Variants in ZNF91 observed in about 807,000 individuals in gnomAD.
ZNF91 encodes the protein zinc finger protein 91, also known as zinc finger protein 91 (HPF7, HTF10).
A neutral mutation model predicts 12.6 loss-of-function variants in ZNF91; 7 were observed. The observed-to-expected ratio is 0.55, with a 90% CI of 0.31 to 1.04. ZNF91 has a LOEUF of 1.04. Ranked by LOEUF, ZNF91 falls within the 50% of genes least tolerant of loss-of-function variation. The probability of loss-of-function intolerance (pLI) is 0.05; values close to 1 mark genes in which losing one functional copy is unlikely to be tolerated. For synonymous variants in ZNF91, 453 were observed against 462.6 expected (o/e 0.98, Z 0.27); for missense variants, 1,217 against 1,385.4 (o/e 0.88, Z 1.93).
chr19:23,322,441 T>A (rs1161078549), intron 1 of ZNF91, among the ~76,000 whole-genome samples: 2 of 152,186 alleles, frequency 1.3e-5, no homozygotes, highest in Non-Finnish European at 2.9e-5. Context: ...GTGACATATG[T>A]CTGGATCCAA....
chr19:23,313,355 T>C (rs938617116), upstream of ZNF91, among the ~76,000 whole-genome samples: 1 of 152,230 alleles, frequency 6.6e-6, no homozygotes, highest in Non-Finnish European at 1.5e-5. Flanking sequence ...AACTCACTTC[T>C]CCTGCCTGGT....
chr19:23,311,120 C>T (rs1761108975), upstream of ZNF91, among the ~76,000 whole-genome samples: 1 of 152,178 alleles, frequency 6.6e-6, no homozygotes, highest in African/African-American at 2.4e-5. Context: ...ATCTGTGGGT[C>T]TCTTACCTAG....
At chr19:23,385,603 C>T (rs1472440290) in intron 1 of ZNF91, among the ~76,000 whole-genome samples, 1 of 152,188 alleles carries the variant, frequency 6.6e-6, no homozygotes, top group Non-Finnish European at 1.5e-5. Flanking sequence ...CCAGGATTGG[C>T]ACTAGCTACA....
downstream of ZNF91, chr19:23,338,441 T>A (rs1968056782): frequency 6.6e-6 from 1 of 151,860 alleles, no homozygotes; most frequent in East Asian, 1.9e-4. Context: ...ATGAAGAATA[T>A]AAAGTCTTAC....
chr19:23,363,762 A>T (rs1968899312), intron 3 of ZNF91, among the ~76,000 whole-genome samples: 1 of 152,216 alleles, frequency 6.6e-6, no homozygotes, highest in Admixed American at 6.5e-5. Context: ...ATACTCACTG[A>T]TTAAAATAGG....
In ZNF91 at chr19:23,374,724, G is replaced by A. The variant is rs750071306; in HGVS notation, c.71C>T (p.Pro24Leu). The change falls in exon 2 of 4, where the codon CCG becomes CTG. Residue 24 changes from proline to leucine, a missense_variant. Physicochemically the swap from Pro to Leu is moderately conservative, Grantham distance 98. Around this residue, in one of 2 missense-constraint regions of ZNF91, gnomAD observed 726 missense variants for 895.5 expected, o/e 0.81. Coordinates refer to ENST00000300619, the MANE Select transcript of ZNF91 (RefSeq NM_003430.4). Reference protein sequence around the residue: ...TFRDVAIEFSPEEWQCLDTAQ... With the variant: ...TFRDVAIEFSLEEWQCLDTAQ... ...AGTGTCCAGACATTGCCACTCCTCC[G>A]GAGAGAATTCTATGGCCACATCCCT... 3.0e-5 allele frequency: 48 copies of A among 1,612,446 alleles called. No individual in the cohort carries two copies. Among genetic ancestry groups the A allele is most frequent in the African/African-American group, 8.0e-5 (6 of 74,828 alleles).
chr19:23,367,209 T>C (rs1261452058), intron 3 of ZNF91, among the ~76,000 whole-genome samples: 1 of 152,180 alleles, frequency 6.6e-6, no homozygotes, highest in Non-Finnish European at 1.5e-5. Flanking sequence ...GAAAGATAAC[T>C]TGAGCCCAGT....
chr19:23,328,712 T>C (rs1568369848), intron 1 of ZNF91: 1 of 152,204 alleles, frequency 6.6e-6, no homozygotes, highest in Non-Finnish European at 1.5e-5. Flanking sequence ...TATGAAAACT[T>C]TGAAAAGCAG....
chr19:23,351,100 C>T (rs1323911032), intron 3 of ZNF91, among the ~76,000 whole-genome samples: 6 of 152,176 alleles, frequency 3.9e-5, no homozygotes, highest in South Asian at 2.1e-4. Flanking sequence ...CCGAGGTGGA[C>T]GGATCACCTG....
intron 1 of ZNF91, among the ~76,000 whole-genome samples, chr19:23,391,030 G>T (rs1008719405): frequency 6.6e-6 from 1 of 152,182 alleles, no homozygotes; most frequent in Non-Finnish European, 1.5e-5. Flanking sequence ...CCCAGTGATG[G>T]GGTTGCTTGG....
At chr19:23,357,418 C>CT (rs1376119621), downstream of ZNF91, among the ~76,000 whole-genome samples, 6 of 152,260 alleles carry the variant, frequency 3.9e-5, no homozygotes, top group South Asian at 1.2e-3. Context: ...TATAAATTTG[C>CT]TTTCAGCATT....
Position 23,362,095 on chromosome 19 carries a change from T to G in ZNF91, c.884A>C (p.Lys295Thr), listed in dbSNP as rs757306335. 3 of 1,613,978 alleles carry G rather than the reference T, an allele frequency of 1.9e-6. No homozygotes were observed. Among genetic ancestry groups the G allele is most frequent in the African/African-American group, 1.3e-5 (1 of 74,936 alleles). The change falls in exon 4 of 4, where the codon AAA becomes ACA. Residue 295 changes from lysine (K) to threonine (T), a missense_variant. This residue lies in a region of ZNF91 where 726 missense variants were observed against 895.5 expected (regional missense o/e 0.81). Transcript: ENST00000300619. ...AAAAGCTTTGCCACATTCTTCACAT[T>G]TGTAGGGTTTCTCTCCAGTGTGTAT... Reference protein sequence around the residue: ...KRIHTGEKPYKCEECGKAFSH... With the variant: ...KRIHTGEKPYTCEECGKAFSH...
intron 1 of ZNF91, among the ~76,000 whole-genome samples, chr19:23,382,582 C>T (rs1969755575): frequency 6.6e-6 from 1 of 152,136 alleles, no homozygotes; most frequent in Non-Finnish European, 1.5e-5. Flanking sequence ...ATACATTCTT[C>T]TCATCGCCAC....
At chr19:23,345,987 T>G (rs1968221219) in intron 3 of ZNF91, among the ~76,000 whole-genome samples, 1 of 151,958 alleles carries the variant, frequency 6.6e-6, no homozygotes, top group African/African-American at 2.4e-5. Context: ...TTCCTCCTTC[T>G]CTCCCATCCA....
chr19:23,331,512 C>T (rs1171608933), intron 1 of ZNF91, among the ~76,000 whole-genome samples: 15 of 152,296 alleles, frequency 9.8e-5, no homozygotes, highest in African/African-American at 2.9e-4. Flanking sequence ...TTCAGGAAAG[C>T]GGATGCTGTG....
intron 3 of ZNF91, among the ~76,000 whole-genome samples, chr19:23,351,947 G>A (rs1397626002): frequency 6.6e-6 from 1 of 152,176 alleles, no homozygotes; most frequent in Non-Finnish European, 1.5e-5. Flanking sequence ...AATCCATCAG[G>A]AGGGAGGACA....
At chr19:23,368,510 AT>A (rs1969110591) in intron 3 of ZNF91, among the ~76,000 whole-genome samples, 1 of 94,274 alleles carries the variant, frequency 1.1e-5, no homozygotes, top group Non-Finnish European at 2.0e-5. Flanking sequence ...GCGAAACTCC[AT>A]CTCTCTCTCT....
chr19:23,395,178 G>A lies in ZNF91; in HGVS notation c.30+147C>T. On this transcript the variant is annotated intron_variant, in intron 1 of 3. Coordinates refer to ENST00000300619, the MANE Select transcript of ZNF91 (RefSeq NM_003430.4). ...ACGCAGCCGCCATCTTATCGCTGAAGGGGACTGAGGCCGAGCTGGGCAAGG... is the reference window on the plus strand; with the variant it reads ...ACGCAGCCGCCATCTTATCGCTGAAAGGGACTGAGGCCGAGCTGGGCAAGG... The A allele has an allele frequency of 4.3e-6, 4 of 939,496 alleles. No individual in the cohort carries two copies. The Admixed American group carries it at 7.6e-5, about 18-fold the overall frequency. 58.2% of individuals were successfully genotyped at this position (939,496 alleles called of 1,614,324 possible).
chr19:23,336,035 C>T (rs139239734), downstream of ZNF91, among the ~76,000 whole-genome samples: 3 of 152,312 alleles, frequency 2.0e-5, no homozygotes, highest in East Asian at 1.9e-4. Context: ...CTTTCTAACA[C>T]TGTTACCGGA....
Sources: gnomAD v4.1 joint callset for allele counts (sites outside exome capture counted in the v4.1 genomes callset) on GRCh38, gnomAD v4.1.1 for gene constraint, gnomAD v4.1.1 regional missense constraint, MANE v1.5 for transcripts, NCBI Gene and HGNC (gene_info 2026-07-23, HGNC 2026-07-21) for gene names.